The following PPP2R3A variants were observed in gnomAD, a reference collection of about 807,000 sequenced individuals.
The protein encoded by PPP2R3A is serine/threonine-protein phosphatase 2A regulatory subunit B'' subunit alpha.
PPP2R3A carries 80 observed loss-of-function variants against 106.9 expected under a neutral mutation model. The ratio of observed to expected loss-of-function variants is 0.75; its 90% CI spans 0.62 to 0.90. The LOEUF (loss-of-function observed/expected upper bound fraction) is 0.90. Among genes scored for constraint, PPP2R3A ranks in the 40% least tolerant of loss-of-function variants. PPP2R3A has a pLI of 0.00. For missense variants in PPP2R3A, 1,386 were observed against 1,350.4 expected (o/e 1.03, Z -0.41); for synonymous variants, 483 against 468.3 (o/e 1.03, Z -0.41).
intron 1 of PPP2R3A, among the ~76,000 whole-genome samples, chr3:135,966,544 C>G (rs867115148): frequency 6.6e-6 from 1 of 152,174 alleles, no homozygotes; most frequent in South Asian, 2.1e-4. Context: ...GGGGACCTCT[C>G]GATGGAAACC....
Position 136,087,909 on chromosome 3 carries a change from A to G in PPP2R3A, c.2815A>G (p.Ile939Val). 1 of 1,610,686 alleles carries G rather than the reference A, an allele frequency of 6.2e-7. No homozygotes were observed. The highest frequency in any genetic ancestry group is 8.5e-7 in the Non-Finnish European group (1 of 1,177,608). ...TTCATCAAGCAGGATTATTGAAAGG[A>G]TATTCTCTGGTGCAGTAACAAGGTA... ...QASSSRIIER[I>V]FSGAVTRGKT... The change falls in exon 9 of 14, where the codon ATA (isoleucine) becomes GTA (valine). Residue 939 changes from isoleucine to valine, a missense_variant. Transcript: ENST00000264977.
At chr3:136,023,324 A>G in intron 2 of PPP2R3A, 2 of 801,266 alleles carry the variant, frequency 2.5e-6, no homozygotes, top group Non-Finnish European at 3.9e-6. Flanking sequence ...GTATCTTGAT[A>G]TTAGATCAAG....
chr3:135,990,868 T>C (rs1576415990), intron 1 of PPP2R3A, among the ~76,000 whole-genome samples: 1 of 152,170 alleles, frequency 6.6e-6, no homozygotes, highest in East Asian at 1.9e-4. Flanking sequence ...CATTTGATCT[T>C]GTCTCCTCTC....
rs906785853 is a variant in PPP2R3A, at chr3:135,965,752, C to T, written c.-538C>T. On this transcript the variant is annotated 5_prime_UTR_variant, in exon 1 of 14. Coordinates refer to ENST00000264977, the MANE Select transcript of PPP2R3A (RefSeq NM_002718.5). Reference sequence around the variant, plus strand: ...CGCGCTCGGGCCTCCGCTCTTCACGCGCCGCATTCGTAGCCCGAGAGTCCG... The same window carrying T: ...CGCGCTCGGGCCTCCGCTCTTCACGTGCCGCATTCGTAGCCCGAGAGTCCG... The T allele has an allele frequency of 2.8e-4, 42 of 152,208 alleles. No individual in the cohort carries two copies. The highest frequency in any genetic ancestry group is 9.7e-4 in the African/African-American group (40 of 41,422). 9.4% of individuals were successfully genotyped at this position (152,208 alleles called of 1,614,324 possible).
rs761032303 is a variant in PPP2R3A at position 135,966,036 on chromosome 3, TCGGTG to T, written c.-441+205_-441+209del. Among the ~76,000 whole-genome samples the T allele has an allele frequency of 5.3e-5, 8 of 151,532 alleles. No individual in the cohort carries two copies. The East Asian group carries it at 7.9e-4, about 15-fold the overall frequency. ...TGGGCTGTGGAAGTCGGAATTCCAG[TCGGTG>T]CGGTGCGGTGCGGTGCGTTGCCTCG... On this transcript the variant is annotated intron_variant, in intron 1 of 13. Transcript: ENST00000264977.
intron 5 of PPP2R3A, among the ~76,000 whole-genome samples, chr3:136,065,229 A>T (rs1202765583): frequency 6.6e-6 from 1 of 152,216 alleles, no homozygotes; most frequent in Non-Finnish European, 1.5e-5. Context: ...CCTAGCAAAG[A>T]ATCAATATTT....
At chr3:136,126,329 G>A (rs1938179809) in intron 13 of PPP2R3A, among the ~76,000 whole-genome samples, 1 of 152,252 alleles carries the variant, frequency 6.6e-6, no homozygotes, top group Non-Finnish European at 1.5e-5. Context: ...TCCCGTGCCT[G>A]GCTCGGCAGG....
At chr3:136,023,307 C>A in intron 2 of PPP2R3A, 2 of 925,478 alleles carry the variant, frequency 2.2e-6, no homozygotes, top group Non-Finnish European at 3.2e-6. Context: ...AATTTTACAG[C>A]TCCCTTGTAT....
At chr3:136,091,436 C>T (rs1443498102) in intron 10 of PPP2R3A, among the ~76,000 whole-genome samples, 6 of 152,040 alleles carry the variant, frequency 3.9e-5, no homozygotes, top group African/African-American at 7.2e-5. Flanking sequence ...GGAAACATAA[C>T]GAGACTCCAT....
intron 13 of PPP2R3A, among the ~76,000 whole-genome samples, chr3:136,136,061 AAAAAAAAAAAAATTATATATAT>A (rs1559940103): frequency 2.1e-5 from 1 of 47,314 alleles, no homozygotes. Context: ...AAAAAAAAAA[AAAAAAAAAAAAATTATATATAT>A]ATATATATAT....
At chr3:136,127,881 T>A (rs1214244785) in intron 13 of PPP2R3A, among the ~76,000 whole-genome samples, 3 of 152,086 alleles carry the variant, frequency 2.0e-5, no homozygotes, top group Non-Finnish European at 4.4e-5. Flanking sequence ...AGAAAAGAAT[T>A]TTCAACCCAG....
intron 4 of PPP2R3A, among the ~76,000 whole-genome samples, chr3:136,046,706 T>A (rs1264407414): frequency 6.6e-6 from 1 of 152,200 alleles, no homozygotes; most frequent in Non-Finnish European, 1.5e-5. Flanking sequence ...CCAGAGTGTG[T>A]TCTTACCTCC....
chr3:135,987,599 C>T (rs1055493456), intron 1 of PPP2R3A, among the ~76,000 whole-genome samples: 2 of 152,074 alleles, frequency 1.3e-5, no homozygotes, highest in African/African-American at 2.4e-5. Context: ...GTCACATCAC[C>T]GACTATCAAG....
In PPP2R3A at chr3:136,002,863, T is replaced by A. The variant is rs748646266; in HGVS notation, c.1365T>A (p.Ala455=). 1 of 1,613,926 alleles carries A rather than the reference T, an allele frequency of 6.2e-7. No homozygotes were observed. Among genetic ancestry groups the A allele is most frequent in the South Asian group, 1.1e-5 (1 of 91,004 alleles). ...ATAGAGCAGAATTTCCAGAACATGC[T>A]ACTCATCTTAAAAAATGCCCCACCC... The part of the protein sequence containing the change: ...NEHRAEFPEH[A]THLKKCPTPM... Residue 455 remains alanine, a synonymous_variant, in exon 2 of 14, where the codon GCT becomes GCA. Coordinates refer to ENST00000264977, the MANE Select transcript of PPP2R3A (RefSeq NM_002718.5).
At chr3:136,129,003 G>A (rs1482111673) in intron 13 of PPP2R3A, among the ~76,000 whole-genome samples, 1 of 152,010 alleles carries the variant, frequency 6.6e-6, no homozygotes, top group Non-Finnish European at 1.5e-5. Flanking sequence ...AGAATCTCTG[G>A]GACACATTTA....
chr3:136,010,154 A>G (rs1933997173), intron 2 of PPP2R3A, among the ~76,000 whole-genome samples: 1 of 151,662 alleles, frequency 6.6e-6, no homozygotes, highest in Non-Finnish European at 1.5e-5. Context: ...ACCTTTATCC[A>G]TCTCCTACCC....
chr3:136,108,086 G>T (rs1049480069), intron 13 of PPP2R3A, among the ~76,000 whole-genome samples: 2 of 152,104 alleles, frequency 1.3e-5, no homozygotes, highest in Non-Finnish European at 2.9e-5. Context: ...GATGGTGTGT[G>T]CCTGTAGTCC....
intron 1 of PPP2R3A, among the ~76,000 whole-genome samples, chr3:135,978,690 A>C (rs1937487380): frequency 6.6e-6 from 1 of 151,890 alleles, no homozygotes; most frequent in South Asian, 2.1e-4. Flanking sequence ...ACATTTAAAA[A>C]CTAAACCCCC....
chr3:136,013,182 G>GTA (rs58704382), intron 2 of PPP2R3A, among the ~76,000 whole-genome samples: 1 of 121,474 alleles, frequency 8.2e-6, no homozygotes, highest in Admixed American at 8.6e-5. Flanking sequence ...GTGTGTGTGT[G>GTA]TATGTATGTA....
Sources: allele counts gnomAD v4.1 joint callset (sites outside exome capture counted in the v4.1 genomes callset), GRCh38; gene constraint gnomAD v4.1.1; transcripts MANE v1.5; gene names NCBI Gene and HGNC (gene_info 2026-07-23, HGNC 2026-07-21).